Variants in SVIL observed in about 807,000 individuals in gnomAD.
The protein encoded by SVIL is supervillin, also known as archvillin.
Under a neutral mutation model 240.4 loss-of-function variants are expected in SVIL, and 101 were observed. That is an observed-to-expected ratio of 0.42 (90% CI 0.36 to 0.50). The LOEUF (loss-of-function observed/expected upper bound fraction) is 0.50. SVIL is among the 20% of genes least tolerant of loss of function. The pLI, the probability that SVIL is intolerant of heterozygous loss-of-function variation, is 0.01. For missense variants in SVIL, 2,512 were observed against 2,818.7 expected (o/e 0.89, Z 2.46); for synonymous variants, 999 against 1,100.0 (o/e 0.91, Z 1.82).
At chr10:29,580,261 G>C (rs73596059) in intron 1 of SVIL, among the ~76,000 whole-genome samples, 1 of 152,026 alleles carries the variant, frequency 6.6e-6, no homozygotes, top group Non-Finnish European at 1.5e-5. Flanking sequence ...AGTGGGAGGA[G>C]CGTTTGAACC....
intron 17 of SVIL, chr10:29,508,201 C>T (rs952492073): frequency 1.0e-4 from 43 of 410,354 alleles, no homozygotes; most frequent in Non-Finnish European, 1.6e-4. Flanking sequence ...CTCTCCACTC[C>T]GGACAAAGGC....
At chr10:29,511,566 T>C (rs1383105583) in intron 17 of SVIL, among the ~76,000 whole-genome samples, 1 of 151,796 alleles carries the variant, frequency 6.6e-6, no homozygotes, top group Non-Finnish European at 1.5e-5. Context: ...ATTTGACAGA[T>C]GGATTTTCAC....
chr10:29,468,747 TACTC>T lies in SVIL; in HGVS notation c.5844-876_5844-873del, dbSNP rs574686146. On this transcript the variant is annotated intron_variant, in intron 32 of 37. Transcript: ENST00000355867. ...CTACTTTCTAAGGAAAAGCAATTCT[TACTC>T]ATGAATGGAAAAATGCTCTGCAGTC... Among the ~76,000 whole-genome samples, 5 of 152,184 alleles carry T rather than the reference TACTC, an allele frequency of 3.3e-5. No homozygotes were observed. In the East Asian group the frequency reaches 9.7e-4, roughly 30 times the overall value.
At position 29,484,847 on chromosome 10, in the gene SVIL, C is replaced by T. The variant is rs1357430879; in HGVS notation, c.4780-16G>A. 1 of 1,589,610 alleles carries T rather than the reference C, an allele frequency of 6.3e-7. No individual in the cohort carries two copies. The highest frequency in any genetic ancestry group is 1.4e-5 in the African/African-American group (1 of 74,026). ...ACACCAGTACCTGGGAGAAATGGCA[C>T]AAAAGAATTTGTTAACTTCAAGAAC... is the stretch of plus-strand genomic sequence containing the variant. On this transcript the variant is annotated splice_polypyrimidine_tract_variant and intron_variant, in intron 26 of 37. Coordinates refer to ENST00000355867, the MANE Select transcript of SVIL (RefSeq NM_021738.3). The surrounding 1 kb of genome is among the most constrained non-coding windows in gnomAD (Gnocchi z 4.7).
At chr10:29,538,103 T>C (rs552659618) in intron 6 of SVIL, among the ~76,000 whole-genome samples, 1 of 152,196 alleles carries the variant, frequency 6.6e-6, no homozygotes, top group African/African-American at 2.4e-5. Context: ...TGACATCAAG[T>C]TCCTATAACG....
At chr10:29,506,646 AC>A (rs1949307844) in intron 17 of SVIL, among the ~76,000 whole-genome samples, 4 of 147,908 alleles carry the variant, frequency 2.7e-5, no homozygotes, top group African/African-American at 7.7e-5. Flanking sequence ...GAGGGAGGGG[AC>A]AGAGGCCCTG....
intron 29 of SVIL, among the ~76,000 whole-genome samples, chr10:29,475,107 C>A (rs1295519533): frequency 6.6e-6 from 1 of 152,200 alleles, no homozygotes; most frequent in East Asian, 1.9e-4. Context: ...CTTACTGCAG[C>A]CTTAGCCTCC....
At chr10:29,701,191 C>G (rs866206413) in intron 1 of SVIL, among the ~76,000 whole-genome samples, 12 of 152,208 alleles carry the variant, frequency 7.9e-5, no homozygotes, top group Admixed American at 2.0e-4. Context: ...AGACCCACTC[C>G]TCTGTCCACA....
At chr10:29,644,157 G>A (rs1208713526) in intron 3 of SVIL, among the ~76,000 whole-genome samples, 2 of 152,132 alleles carry the variant, frequency 1.3e-5, no homozygotes, top group Non-Finnish European at 2.9e-5. Flanking sequence ...ATGGGGACAT[G>A]AGCTGACGGT....
intron 1 of SVIL, among the ~76,000 whole-genome samples, chr10:29,569,775 C>T (rs754399925): frequency 2.6e-5 from 4 of 152,174 alleles, no homozygotes; most frequent in Admixed American, 6.5e-5. Flanking sequence ...CAAAGGACAA[C>T]TCAGCTGTGT....
chr10:29,606,964 A>C (rs998046301), intron 1 of SVIL, among the ~76,000 whole-genome samples: 2 of 152,308 alleles, frequency 1.3e-5, no homozygotes, highest in South Asian at 2.1e-4. Context: ...CACGCTGGCC[A>C]GGCTGGCCTC....
intron 16 of SVIL, among the ~76,000 whole-genome samples, chr10:29,517,141 G>T (rs1475427065): frequency 6.6e-6 from 1 of 152,172 alleles, no homozygotes; most frequent in East Asian, 1.9e-4. Context: ...GCCAGGCGTG[G>T]TGGCTCACAC....
chr10:29,719,459 T>C lies in SVIL; in HGVS notation c.-400+16292A>G, dbSNP rs115333068. ...TTTCCATCCCCCCAGAAGATAACAT[T>C]GCAATGTCTGGCATCCTGTCAAAAA... On this transcript the variant is annotated intron_variant, in intron 1 of 35. Transcript: ENST00000375400. Among the ~76,000 whole-genome samples, 573 of 152,234 alleles carry C rather than the reference T, an allele frequency of 3.8e-3. 2 individuals carry two copies. Among genetic ancestry groups the C allele is most frequent in the African/African-American group, 0.012 (489 of 41,522 alleles).
In SVIL at chr10:29,563,281, T is replaced by C. The variant is rs1954676910; in HGVS notation, c.-131A>G. ...CTGTTCTTTATCTTCGAGTGAGAAC[T>C]CCTTCTGAAAGCTAAAAATTACTCC... is the stretch of plus-strand genomic sequence containing the variant. On this transcript the variant is annotated 5_prime_UTR_variant, in exon 3 of 38. Transcript: ENST00000355867. 8 of 985,832 alleles carry C rather than the reference T, an allele frequency of 8.1e-6. No individual in the cohort carries two copies. The highest frequency in any genetic ancestry group is 7.2e-6 in the Non-Finnish European group (6 of 829,910). The allele number at this position is 985,832 out of a possible 1,614,324, so 61.1% of individuals were successfully genotyped here. A position where few individuals can be genotyped will look rare whatever the true frequency, so the allele number is the denominator to read the frequency against.
At chr10:29,695,919 C>A (rs1332604719) in intron 1 of SVIL, among the ~76,000 whole-genome samples, 1 of 88,208 alleles carries the variant, frequency 1.1e-5, no homozygotes, top group Admixed American at 1.1e-4. Flanking sequence ...TCTCCCTCTC[C>A]CGTCTCCCTC....
intron 6 of SVIL, among the ~76,000 whole-genome samples, chr10:29,546,044 G>A (rs1952654283): frequency 6.6e-6 from 1 of 151,950 alleles, no homozygotes; most frequent in Non-Finnish European, 1.5e-5. Context: ...AAAAAATACA[G>A]CACATTTTCT....
intron 1 of SVIL, among the ~76,000 whole-genome samples, chr10:29,621,133 T>C (rs1241931205): frequency 3.9e-5 from 6 of 152,128 alleles, no homozygotes; most frequent in African/African-American, 1.4e-4. Context: ...TAATAATACA[T>C]CACTACCTCC....
chr10:29,702,551 C>T (rs1191565795), intron 1 of SVIL, among the ~76,000 whole-genome samples: 20 of 152,180 alleles, frequency 1.3e-4, no homozygotes, highest in Non-Finnish European at 1.6e-4. Flanking sequence ...ATCACACGTT[C>T]ACGAGGTTTA....
intron 20 of SVIL, 60 bp downstream of exon 20, chr10:29,494,854 G>A: frequency 3.3e-6 from 5 of 1,530,746 alleles, no homozygotes; most frequent in African/African-American, 2.8e-5. Context: ...AGGAAGAAAA[G>A]CAATCAGAAT....
Sources: gnomAD v4.1 joint callset for allele counts (sites outside exome capture counted in the v4.1 genomes callset) on GRCh38, gnomAD v4.1.1 for gene constraint, Gnocchi (gnomAD v3.1) non-coding constraint, MANE v1.5 for transcripts, NCBI Gene and HGNC (gene_info 2026-07-23, HGNC 2026-07-21) for gene names.